DNAH9: variants seen among roughly 807,000 people sequenced by gnomAD.
DNAH9 encodes the protein dynein axonemal heavy chain 9, also known as DNAH9 variant protein.
Under a neutral mutation model 471.6 loss-of-function variants are expected in DNAH9, and 345 were observed. That is an observed-to-expected ratio of 0.73 (90% CI 0.67 to 0.80). The LOEUF is 0.80. Among genes scored for constraint, DNAH9 ranks in the 30% least tolerant of loss-of-function variants. The probability of loss-of-function intolerance (pLI) is 0.00; values close to 1 mark genes in which losing one functional copy is unlikely to be tolerated. For synonymous variants in DNAH9, 2,093 were observed against 2,123.6 expected, an observed-to-expected ratio of 0.99 and a Z score of 0.40; for missense variants, 5,407 against 5,609.2, an observed-to-expected ratio of 0.96 and a Z score of 1.15.
At chr17:11,824,701 C>G (rs1055918685) in intron 48 of DNAH9, among the ~76,000 whole-genome samples, 1 of 152,184 alleles carries the variant, frequency 6.6e-6, no homozygotes, top group Non-Finnish European at 1.5e-5. Context: ...AATTTCCTAA[C>G]AACCCTTTCG....
At chr17:11,701,594 C>T (rs2074596188) in intron 24 of DNAH9, among the ~76,000 whole-genome samples, 1 of 152,212 alleles carries the variant, frequency 6.6e-6, no homozygotes, top group South Asian at 2.1e-4. Context: ...GACAATGACA[C>T]CTGTCTTGCT....
intron 50 of DNAH9, among the ~76,000 whole-genome samples, chr17:11,858,359 G>A (rs1971701172): frequency 1.3e-5 from 2 of 152,142 alleles, no homozygotes; most frequent in Admixed American, 1.3e-4. Context: ...GTTGGCCCAC[G>A]CAGTCTATTT....
At chr17:11,617,810 T>C (rs548242873) in intron 5 of DNAH9, among the ~76,000 whole-genome samples, 188 bp downstream of exon 5, 1 of 152,352 alleles carries the variant, frequency 6.6e-6, no homozygotes, top group Admixed American at 6.5e-5. Flanking sequence ...TCAGTAATAT[T>C]AGAACACCTG....
intron 49 of DNAH9, among the ~76,000 whole-genome samples, chr17:11,850,749 T>C (rs1971391539): frequency 6.6e-6 from 1 of 152,142 alleles, no homozygotes; most frequent in South Asian, 2.1e-4. Context: ...GGGCCCATGC[T>C]TAACCAAACA....
chr17:11,768,553 C>G lies in DNAH9; in HGVS notation c.7271C>G (p.Pro2424Arg), dbSNP rs1358196406. The G allele has an allele frequency of 6.2e-7, 1 of 1,614,152 alleles. No individual in the cohort carries two copies. Among genetic ancestry groups the G allele is most frequent in the East Asian group, 2.2e-5 (1 of 44,874 alleles). Residue 2424 changes from proline (P) to arginine (R), a missense_variant, in exon 37 of 69, where the codon CCA becomes CGA. Physicochemically the swap from Pro to Arg is moderately radical, Grantham distance 103 (BLOSUM62 -2). This residue lies in a region of DNAH9 where 4,636 missense variants were observed against 4,900.3 expected (regional missense o/e 0.95). Transcript: ENST00000262442. Reference sequence around the variant, plus strand: ...ACCATCTTTGACTATTACATCGACCCAGAGACCAAGAAATTCGAGCCTTGG... The same window carrying G: ...ACCATCTTTGACTATTACATCGACCGAGAGACCAAGAAATTCGAGCCTTGG... ...QGTIFDYYIDPETKKFEPWSK... is the reference protein window; with the variant it reads ...QGTIFDYYIDRETKKFEPWSK...
rs554701984 is a variant in DNAH9, at chr17:11,617,571, G to A, written c.1065G>A (p.Pro355=). ...CCACATGCAAGTCCTACCGCTCCCC[G>A]GGAAGGCTGACTGTGCTGCTCCAGG... ...IWATCKSYRS[P]GRLTVLLQEI... Residue 355 remains proline (P), a synonymous_variant, in exon 5 of 69, where the codon CCG becomes CCA. Coordinates refer to ENST00000262442, the MANE Select transcript of DNAH9 (RefSeq NM_001372.4). The A allele has an allele frequency of 4.0e-5, 64 of 1,614,068 alleles. No individual in the cohort carries two copies. Among genetic ancestry groups the A allele is most frequent in the Middle Eastern group, 1.7e-4 (1 of 6,054 alleles).
intron 25 of DNAH9, 26 bp from the exon 26 acceptor site, chr17:11,704,999 C>A (rs2074674507): frequency 1.2e-6 from 2 of 1,609,310 alleles, no homozygotes; most frequent in African/African-American, 2.7e-5. Context: ...ATGATTCACC[C>A]ACCTACTCTA....
chr17:11,599,111 T>G (rs2072330857), intron 1 of DNAH9, among the ~76,000 whole-genome samples, 196 bp downstream of exon 1: 16 of 146,518 alleles, frequency 1.1e-4, no homozygotes, highest in East Asian at 2.0e-4. Context: ...AGGAAGAAAA[T>G]GGGATGGGGT....
At chr17:11,734,919 G>A (rs2075321328) in intron 28 of DNAH9, among the ~76,000 whole-genome samples, 1 of 152,202 alleles carries the variant, frequency 6.6e-6, no homozygotes, top group Non-Finnish European at 1.5e-5. Context: ...GAGTAGAAAT[G>A]TAAGAATTGA....
At chr17:11,865,766 C>T (rs1316560028) in intron 50 of DNAH9, among the ~76,000 whole-genome samples, 1 of 152,118 alleles carries the variant, frequency 6.6e-6, no homozygotes, top group Non-Finnish European at 1.5e-5. Context: ...TCATTTCATT[C>T]ATTTCATCTT....
chr17:11,847,970 C>T (rs1971284921), intron 49 of DNAH9, among the ~76,000 whole-genome samples: 1 of 151,722 alleles, frequency 6.6e-6, no homozygotes, highest in African/African-American at 2.4e-5. Context: ...CCAGAGGGCT[C>T]TCTGTCTCTG....
At chr17:11,826,034 TG>T (rs768593088) in intron 48 of DNAH9, among the ~76,000 whole-genome samples, 1 of 152,226 alleles carries the variant, frequency 6.6e-6, no homozygotes, top group Non-Finnish European at 1.5e-5. Flanking sequence ...GTCAGGTTTT[TG>T]GCCATCTTGG....
At chr17:11,705,220 G>T in intron 26 of DNAH9, 35 bp downstream of exon 26, 1 of 1,604,990 alleles carries the variant, frequency 6.2e-7, no homozygotes, top group Non-Finnish European at 8.5e-7. Flanking sequence ...CAGCCTTACT[G>T]CTGTCTGGTT....
rs745683872 is a variant in DNAH9 at position 11,768,448 on chromosome 17, T to A, written c.7171-5T>A. On this transcript the variant is annotated splice_polypyrimidine_tract_variant and splice_region_variant and intron_variant, in intron 36 of 68. Coordinates refer to ENST00000262442, the MANE Select transcript of DNAH9 (RefSeq NM_001372.4). The stretch of plus-strand genomic sequence containing the variant: ...CTTGTCCCCTGACTGTCTTTGTTTT[T>A]GCAGCTTGTGGACTACCGGGCAGAG... 1.2e-6 allele frequency: 2 copies of A among 1,611,450 alleles called. No homozygotes were observed. The highest frequency in any genetic ancestry group is 2.2e-5 in the South Asian group (2 of 91,030).
chr17:11,857,823 G>GC (rs1231907625), intron 50 of DNAH9, among the ~76,000 whole-genome samples: 3 of 152,014 alleles, frequency 2.0e-5, no homozygotes, highest in Non-Finnish European at 2.9e-5. Context: ...TGTGGCACCT[G>GC]CCCCCCGCAA....
chr17:11,710,427 C>T (rs185340782), intron 26 of DNAH9, among the ~76,000 whole-genome samples: 87 of 152,202 alleles, frequency 5.7e-4, no homozygotes, highest in African/African-American at 1.9e-3. Context: ...ACTTTCAAAT[C>T]GTTCGTGAAA....
At position 11,932,170 on chromosome 17, in the gene DNAH9, A is replaced by T; in HGVS notation, c.12262A>T (p.Asn4088Tyr). ...CACTGGAGACCTCACTATCTCTGTG[A>T]ATGTCCTCTACAACTTCCTGGAGGC... ...FNTGDLTISVNVLYNFLEANA... is the reference protein window; with the variant it reads ...FNTGDLTISVYVLYNFLEANA... The change falls in exon 64 of 69, where the codon AAT becomes TAT. Residue 4088 changes from asparagine (N) to tyrosine (Y), a missense_variant. Asn to Tyr is a moderately radical substitution (Grantham distance 143, BLOSUM62 -2). This residue lies in a region of DNAH9 where 4,636 missense variants were observed against 4,900.3 expected (regional missense o/e 0.95). Coordinates refer to ENST00000262442, the MANE Select transcript of DNAH9 (RefSeq NM_001372.4). This position sits in a 1 kb window ranked among gnomAD's most constrained non-coding sequence, Gnocchi z 4.3. The T allele has an allele frequency of 6.2e-7, 1 of 1,614,098 alleles. No individual in the cohort carries two copies. The highest frequency in any genetic ancestry group is 8.5e-7 in the Non-Finnish European group (1 of 1,180,026).
At chr17:11,779,066 C>T (rs1023323500) in intron 38 of DNAH9, among the ~76,000 whole-genome samples, 1 of 152,006 alleles carries the variant, frequency 6.6e-6, no homozygotes, top group Non-Finnish European at 1.5e-5. Context: ...CAATAGTATC[C>T]AGAGAATGGC....
chr17:11,680,912 T>A (rs1289105115), intron 19 of DNAH9, 23 bp downstream of exon 19: 1 of 1,588,576 alleles, frequency 6.3e-7, no homozygotes, highest in South Asian at 1.1e-5. Flanking sequence ...CACTGCTGCC[T>A]CTCTTTCTGT....
Sources: gnomAD v4.1 joint callset for allele counts (sites outside exome capture counted in the v4.1 genomes callset) on GRCh38, gnomAD v4.1.1 for gene constraint, gnomAD v4.1.1 regional missense constraint, Gnocchi (gnomAD v3.1) non-coding constraint, MANE v1.5 for transcripts, NCBI Gene and HGNC (gene_info 2026-07-23, HGNC 2026-07-21) for gene names.